CRTAM: variants seen among roughly 807,000 people sequenced by gnomAD.
CRTAM encodes cytotoxic and regulatory T cell molecule.
Under a neutral mutation model 50.0 loss-of-function variants are expected in CRTAM, and 44 were observed. The ratio of observed to expected loss-of-function variants is 0.88; its 90% CI spans 0.69 to 1.13. The LOEUF (loss-of-function observed/expected upper bound fraction) is 1.13. Among genes scored for constraint, CRTAM ranks in the 50% most tolerant of loss-of-function variants. CRTAM has a pLI of 0.00. For synonymous variants in CRTAM, 159 were observed against 169.3 expected (o/e 0.94, Z 0.47); for missense variants, 448 against 457.5 (o/e 0.98, Z 0.19).
intron 1 of CRTAM, among the ~76,000 whole-genome samples, chr11:122,847,216 G>A (rs1181622431): frequency 6.6e-6 from 1 of 152,112 alleles, no homozygotes; most frequent in Non-Finnish European, 1.5e-5. Context: ...TAGTAGTGGA[G>A]GAGCCAGGAT....
chr11:122,839,077 C>T (rs369130629), intron 1 of CRTAM, among the ~76,000 whole-genome samples: 4 of 152,056 alleles, frequency 2.6e-5, no homozygotes, highest in African/African-American at 7.2e-5. Flanking sequence ...TACAGGTGCC[C>T]GCCACCACCA....
At chr11:122,864,764 A>G in intron 7 of CRTAM, 45 bp downstream of exon 7, 1 of 1,376,428 alleles carries the variant, frequency 7.3e-7, no homozygotes, top group Non-Finnish European at 1.0e-6. Context: ...CGACATTTTA[A>G]CCTCTTAATC....
chr11:122,838,986 C>T lies in CRTAM; in HGVS notation c.46+394C>T, dbSNP rs559029048. 3.3e-5 allele frequency among the ~76,000 whole-genome samples: 5 copies of T among 152,100 alleles called. No individual in the cohort carries two copies. In the South Asian group the frequency reaches 1.0e-3, roughly 32 times the overall value. ...CTCTGTCGCCCAGGCTGGAGTGCAG[C>T]GGCACGACCTCGGCTCACTGCAAGC... is the stretch of plus-strand genomic sequence containing the variant. On this transcript the variant is annotated intron_variant, in intron 1 of 9. Coordinates refer to ENST00000227348, the MANE Select transcript of CRTAM (RefSeq NM_019604.4).
Position 122,871,907 on chromosome 11 carries a change from G to A in CRTAM, c.*508G>A, listed in dbSNP as rs1374140509. The A allele has an allele frequency of 6.6e-6, 1 of 152,292 alleles. No homozygotes were observed. The highest frequency in any genetic ancestry group is 1.5e-5 in the Non-Finnish European group (1 of 68,130). The allele number at this position is 152,292 out of a possible 1,614,324, so 9.4% of individuals were successfully genotyped here. A position where few individuals can be genotyped will look rare whatever the true frequency, so the allele number is the denominator to read the frequency against. On this transcript the variant is annotated 3_prime_UTR_variant, in exon 10 of 10. Coordinates refer to ENST00000227348, the MANE Select transcript of CRTAM (RefSeq NM_019604.4). ...CCTAGCACTTTGGGAGGCTGAGGTAGGCAGATCACTTGAGGTCAGGAGTTG... is the reference window on the plus strand; with the variant it reads ...CCTAGCACTTTGGGAGGCTGAGGTAAGCAGATCACTTGAGGTCAGGAGTTG...
In CRTAM at chr11:122,838,507, A is replaced by G. The variant is rs369970154; in HGVS notation, c.-40A>G. ...CTCAGCTCCATTTGTCTCAGAATCT[A>G]GAGGAAGTTGACAAAGGTGCCACAG... On this transcript the variant is annotated 5_prime_UTR_variant, in exon 1 of 10. Coordinates refer to ENST00000227348, the MANE Select transcript of CRTAM (RefSeq NM_019604.4). The G allele has an allele frequency of 6.2e-7, 1 of 1,606,964 alleles. No individual in the cohort carries two copies. Among genetic ancestry groups the G allele is most frequent in the Non-Finnish European group, 8.5e-7 (1 of 1,174,700 alleles).
chr11:122,851,211 A>G (rs1861925022), intron 2 of CRTAM, among the ~76,000 whole-genome samples: 1 of 151,394 alleles, frequency 6.6e-6, no homozygotes, highest in Non-Finnish European at 1.5e-5. Context: ...AGTTGCAGTG[A>G]GCTGAGATAG....
Position 122,871,255 on chromosome 11 carries a change from T to C in CRTAM, c.1052-14T>C, listed in dbSNP as rs749655692. 6.2e-7 allele frequency: 1 copy of C among 1,601,550 alleles called. No homozygotes were observed. The highest frequency in any genetic ancestry group is 8.5e-7 in the Non-Finnish European group (1 of 1,174,486). Reference sequence around the variant, plus strand: ...TCAAAATAAATATTCATCTTCAACATGTTTTTCTTTCAGCTTCCCACCCTA... The same window carrying C: ...TCAAAATAAATATTCATCTTCAACACGTTTTTCTTTCAGCTTCCCACCCTA... On this transcript the variant is annotated splice_polypyrimidine_tract_variant and intron_variant, in intron 9 of 9. Transcript: ENST00000227348.
Position 122,854,103 on chromosome 11 carries a change from TTC to T in CRTAM, c.490+21_490+22del, listed in dbSNP as rs1565289725. 1 of 1,605,774 alleles carries T rather than the reference TTC, an allele frequency of 6.2e-7. No individual in the cohort carries two copies. The highest frequency in any genetic ancestry group is 2.2e-5 in the East Asian group (1 of 44,682). On this transcript the variant is annotated intron_variant, in intron 4 of 9. Transcript: ENST00000227348. ...AAGTGTCCGGTAAGGGGAGAAATGG[TTC>T]TCTTTGTCTTCCTTCCTACTCAAAT...
chr11:122,867,286 T>A (rs1862189237), intron 7 of CRTAM, 123 bp from the exon 8 acceptor site: 1 of 805,346 alleles, frequency 1.2e-6, no homozygotes, highest in South Asian at 2.2e-5. Context: ...CTCTTTCTCA[T>A]CTCTTCATCT....
intron 2 of CRTAM, 36 bp downstream of exon 2, chr11:122,850,250 C>A (rs762507595): frequency 6.4e-7 from 1 of 1,555,528 alleles, no homozygotes; most frequent in Non-Finnish European, 8.7e-7. Context: ...TGCCACCAGA[C>A]CTTAACCTGA....
At position 122,871,720 on chromosome 11, in the gene CRTAM, T is replaced by G. The variant is rs7126620; in HGVS notation, c.*321T>G. On this transcript the variant is annotated 3_prime_UTR_variant, in exon 10 of 10. Transcript: ENST00000227348. ...ACATCCTACCTCAAATGGAACAGGA[T>G]TTTTTGATGCTTTGCTCTAATGGAA... is the stretch of plus-strand genomic sequence containing the variant. 0.23 allele frequency: 40,493 copies of G among 173,398 alleles called. 5,544 individuals carry two copies. The highest frequency in any genetic ancestry group is 0.37 in the African/African-American group (15,531 of 42,436). 10.7% of individuals were successfully genotyped at this position (173,398 alleles called of 1,614,324 possible). A position where few individuals can be genotyped will look rare whatever the true frequency, so the allele number is the denominator to read the frequency against.
At chr11:122,844,229 G>C (rs1156761673) in intron 1 of CRTAM, among the ~76,000 whole-genome samples, 1 of 152,084 alleles carries the variant, frequency 6.6e-6, no homozygotes, top group African/African-American at 2.4e-5. Flanking sequence ...ATGTTGTAAG[G>C]GTTAAATTAT....
Position 122,854,077 on chromosome 11 carries a change from G to C in CRTAM, c.481G>C (p.Glu161Gln). Residue 161 changes from glutamate to glutamine, a missense_variant, in exon 4 of 10, where the codon GAA becomes CAA. Transcript: ENST00000227348. ...QITWLLGNSM[E>Q]VSGGTLHEFE... Reference sequence around the variant, plus strand: ...AACCTGGCTACTTGGGAATAGCATGGAAGTGTCCGGTAAGGGGAGAAATGG... The same window carrying C: ...AACCTGGCTACTTGGGAATAGCATGCAAGTGTCCGGTAAGGGGAGAAATGG... 6.2e-7 allele frequency: 1 copy of C among 1,612,744 alleles called. No individual in the cohort carries two copies. The highest frequency in any genetic ancestry group is 8.5e-7 in the Non-Finnish European group (1 of 1,179,588).
chr11:122,861,798 A>G (rs905357473), intron 5 of CRTAM, among the ~76,000 whole-genome samples: 1 of 152,054 alleles, frequency 6.6e-6, no homozygotes, highest in African/African-American at 2.4e-5. Context: ...TGCTTCCTGG[A>G]TGTGGCTGGT....
At chr11:122,869,378 T>A (rs1862223895) in intron 9 of CRTAM, among the ~76,000 whole-genome samples, 1 of 152,236 alleles carries the variant, frequency 6.6e-6, no homozygotes, top group Admixed American at 6.5e-5. Context: ...GTTGATAAAT[T>A]TGTGTTAAAT....
intron 1 of CRTAM, among the ~76,000 whole-genome samples, chr11:122,845,693 T>A (rs1322626044): frequency 6.6e-6 from 1 of 151,880 alleles, no homozygotes; most frequent in Admixed American, 6.6e-5. Context: ...GGTGACAGAA[T>A]GAGAATCTGT....
intron 1 of CRTAM, among the ~76,000 whole-genome samples, chr11:122,838,991 C>G (rs1232243125): frequency 1.3e-5 from 2 of 152,108 alleles, no homozygotes; most frequent in African/African-American, 2.4e-5. Context: ...TGCAGCGGCA[C>G]GACCTCGGCT....
chr11:122,871,299 T>C lies in CRTAM; in HGVS notation c.1082T>C (p.Ile361Thr). The C allele has an allele frequency of 6.2e-7, 1 of 1,613,682 alleles. No individual in the cohort carries two copies. Among genetic ancestry groups the C allele is most frequent in the Non-Finnish European group, 8.5e-7 (1 of 1,179,806 alleles). The change falls in exon 10 of 10, where the codon ATC becomes ACC. Residue 361 changes from isoleucine (I) to threonine (T), a missense_variant. Transcript: ENST00000227348. ...SSHPMRCMNY[I>T]TKLYSEAKTK... ...CACCCTATGCGTTGCATGAACTACA[T>C]CACAAAGTTGTACTCAGAAGCAAAA...
chr11:122,847,837 A>G (rs1429423924), intron 1 of CRTAM, among the ~76,000 whole-genome samples: 2 of 152,220 alleles, frequency 1.3e-5, no homozygotes, highest in Non-Finnish European at 2.9e-5. Context: ...ACCTTATGCT[A>G]TGGAAAAGAC....
Sources: allele counts gnomAD v4.1 joint callset (sites outside exome capture counted in the v4.1 genomes callset), GRCh38; gene constraint gnomAD v4.1.1; transcripts MANE v1.5; gene names NCBI Gene and HGNC (gene_info 2026-07-23, HGNC 2026-07-21).